Variants in NR3C1 observed in about 807,000 individuals in gnomAD.
NR3C1 encodes nuclear receptor subfamily 3 group C member 1.
A neutral mutation model predicts 74.0 loss-of-function variants in NR3C1; 14 were observed. The ratio of observed to expected loss-of-function variants is 0.19; its 90% CI spans 0.12 to 0.30. NR3C1 has a LOEUF of 0.30. Among genes scored for constraint, NR3C1 ranks in the 10% least tolerant of loss-of-function variants. NR3C1 has a pLI of 1.00. For synonymous variants in NR3C1, 308 were observed against 332.5 expected (o/e 0.93, Z 0.80); for missense variants, 695 against 909.8 (o/e 0.76, Z 3.04).
chr5:143,404,255 A>G, upstream of NR3C1: 1 of 985,346 alleles, frequency 1.0e-6, no homozygotes, highest in Non-Finnish European at 1.2e-6. Flanking sequence ...GAAAGGGGCT[A>G]CGGGGTTGCA....
intron 2 of NR3C1, among the ~76,000 whole-genome samples, chr5:143,392,034 C>A (rs143732669): frequency 2.0e-5 from 3 of 151,844 alleles, no homozygotes; most frequent in Non-Finnish European, 4.4e-5. Context: ...GGTGCAACCT[C>A]GGCTCACTGC....
intron 1 of NR3C1, among the ~76,000 whole-genome samples, chr5:143,411,037 TG>T (rs781131808): frequency 1.1e-4 from 16 of 152,222 alleles, no homozygotes; most frequent in South Asian, 6.2e-4. Flanking sequence ...AAGACTTTAC[TG>T]CCTAATTATT....
At chr5:143,323,129 C>T (rs1599933692) in intron 2 of NR3C1, among the ~76,000 whole-genome samples, 1 of 152,196 alleles carries the variant, frequency 6.6e-6, no homozygotes, top group Non-Finnish European at 1.5e-5. Flanking sequence ...TGCCCTGGAA[C>T]GTGAATCATC....
intron 8 of NR3C1, 58 bp from the exon 9 acceptor site, chr5:143,282,099 A>ATGTT: frequency 6.3e-7 from 1 of 1,586,632 alleles, no homozygotes; most frequent in Non-Finnish European, 8.7e-7. Flanking sequence ...GGAACATCTC[A>ATGTT]TGTTTGTTGT....
intron 2 of NR3C1, among the ~76,000 whole-genome samples, chr5:143,385,930 A>T (rs1282836742): frequency 6.6e-6 from 1 of 152,192 alleles, no homozygotes; most frequent in Non-Finnish European, 1.5e-5. Flanking sequence ...AAGTTTCTGT[A>T]CTAGTCCATT....
chr5:143,416,302 A>C (rs1841474470), intron 1 of NR3C1, among the ~76,000 whole-genome samples: 1 of 152,118 alleles, frequency 6.6e-6, no homozygotes, highest in South Asian at 2.1e-4. Flanking sequence ...AATATCAGAG[A>C]TAGGCACATG....
At chr5:143,402,780 G>T in intron 1 of NR3C1, 1 of 985,390 alleles carries the variant, frequency 1.0e-6, no homozygotes, top group African/African-American at 1.7e-5. Flanking sequence ...CGGGCGCGCC[G>T]GGGTGGCGTG....
chr5:143,420,549 A>G (rs35224915), intron 1 of NR3C1, among the ~76,000 whole-genome samples: 27,667 of 152,126 alleles, frequency 0.18, 2,719 homozygotes, highest in Middle Eastern at 0.35. Flanking sequence ...TCCCTAGAAC[A>G]CTAGTTTTCA....
At chr5:143,295,376 A>C in intron 7 of NR3C1, 84 bp downstream of exon 7, 2 of 1,547,510 alleles carry the variant, frequency 1.3e-6, no homozygotes, top group South Asian at 2.4e-5. Context: ...TATAATTATT[A>C]GTACTATGTA....
intron 1 of NR3C1, among the ~76,000 whole-genome samples, chr5:143,430,537 T>C (rs973403832): frequency 3.9e-5 from 6 of 152,166 alleles, no homozygotes; most frequent in Non-Finnish European, 5.9e-5. Flanking sequence ...TATTAGGAGG[T>C]AGGGCCTTTG....
chr5:143,364,669 TGTTGAA>T (rs1471344318), intron 2 of NR3C1, among the ~76,000 whole-genome samples: 2 of 152,182 alleles, frequency 1.3e-5, no homozygotes, highest in South Asian at 2.1e-4. Context: ...TTTTATACAC[TGTTGAA>T]GTTGAGTTGA....
chr5:143,332,896 T>G lies in NR3C1; in HGVS notation c.1185-18728A>C. On this transcript the variant is annotated intron_variant, in intron 2 of 8. Coordinates refer to ENST00000394464, the MANE Select transcript of NR3C1 (RefSeq NM_000176.3). ...CCCTAGAATCTAAAAATGCTGCATA[T>G]AGTGGAACCTTATGTGACCTGGGGA... 2.0e-6 allele frequency: 3 copies of G among 1,496,838 alleles called. No homozygotes were observed. In the South Asian group the frequency reaches 3.4e-5, roughly 17 times the overall value. 92.7% of individuals were successfully genotyped at this position (1,496,838 alleles called of 1,614,324 possible).
At chr5:143,427,499 G>A (rs898460424) in intron 1 of NR3C1, among the ~76,000 whole-genome samples, 1 of 152,114 alleles carries the variant, frequency 6.6e-6, no homozygotes, top group Non-Finnish European at 1.5e-5. Flanking sequence ...CCTCAGCAGT[G>A]CCTCTTCCAG....
intron 4 of NR3C1, among the ~76,000 whole-genome samples, chr5:143,309,455 G>A (rs1477966131): frequency 6.6e-6 from 1 of 152,234 alleles, no homozygotes; most frequent in Admixed American, 6.5e-5. Flanking sequence ...GAATCTGCAA[G>A]TGGATATTTG....
chr5:143,381,826 A>G (rs1369489744), intron 2 of NR3C1, among the ~76,000 whole-genome samples: 1 of 152,200 alleles, frequency 6.6e-6, no homozygotes, highest in Non-Finnish European at 1.5e-5. Flanking sequence ...TAGGATACTA[A>G]AAGAAAACAT....
chr5:143,379,086 CA>C (rs1462816167), intron 2 of NR3C1, among the ~76,000 whole-genome samples: 1 of 152,188 alleles, frequency 6.6e-6, no homozygotes, highest in Non-Finnish European at 1.5e-5. Flanking sequence ...AAAATACCCC[CA>C]GTGAGTGGTC....
intron 3 of NR3C1, 104 bp downstream of exon 3, chr5:143,313,898 T>C: frequency 1.6e-6 from 2 of 1,236,412 alleles, no homozygotes; most frequent in South Asian, 2.5e-5. Context: ...TCTTAACTGA[T>C]ATTTAGCCTT....
chr5:143,323,860 C>T (rs375608316), intron 2 of NR3C1, among the ~76,000 whole-genome samples: 29 of 152,068 alleles, frequency 1.9e-4, no homozygotes, highest in African/African-American at 5.3e-4. Context: ...AAAGGGGTTA[C>T]GGGGCCCATG....
intron 2 of NR3C1, among the ~76,000 whole-genome samples, chr5:143,356,861 G>A (rs1831242642): frequency 6.6e-6 from 1 of 152,148 alleles, no homozygotes; most frequent in South Asian, 2.1e-4. Flanking sequence ...CAGAATACTA[G>A]GATTAGTTTA....
Sources: gnomAD v4.1 joint callset for allele counts (sites outside exome capture counted in the v4.1 genomes callset) on GRCh38, gnomAD v4.1.1 for gene constraint, MANE v1.5 for transcripts, NCBI Gene and HGNC (gene_info 2026-07-23, HGNC 2026-07-21) for gene names.